Variants in SLC22A16 observed in about 807,000 individuals in gnomAD.
SLC22A16 encodes the protein WUGSC:RG331P03.1.
Under a neutral mutation model 52.9 loss-of-function variants are expected in SLC22A16, and 53 were observed. The ratio of observed to expected loss-of-function variants is 1.00; its 90% confidence interval spans 0.80 to 1.26. The LOEUF is 1.26. Among genes scored for constraint, SLC22A16 ranks in the 50% most tolerant of loss-of-function variants. SLC22A16 has a pLI of 0.00. For missense variants in SLC22A16, 726 were observed against 704.0 expected, an observed-to-expected ratio of 1.03 and a Z score of -0.35; for synonymous variants, 291 against 268.8, an observed-to-expected ratio of 1.08 and a Z score of -0.81.
chr6:110,438,797 C>T lies in SLC22A16; in HGVS notation c.1234G>A (p.Val412Ile), dbSNP rs1279078408. Residue 412 changes from valine (V) to isoleucine (I), a missense_variant, in exon 5 of 8, where the codon GTC (valine) becomes ATC (isoleucine). By Grantham distance (29) the Val-to-Ile change is conservative (BLOSUM62 3). Coordinates refer to ENST00000368919, the MANE Select transcript of SLC22A16 (RefSeq NM_033125.4). ...TAGGCCAGGACTGTTCTCCTCCCGA[C>T]CTTGTCCATGGCGATGCACACGAAG... ...YTFVCIAMDK[V>I]GRRTVLAYSL... 14 of 1,614,040 alleles carry T rather than the reference C, an allele frequency of 8.7e-6. No homozygotes were observed. Among genetic ancestry groups the T allele is most frequent in the African/African-American group, 1.3e-5 (1 of 74,922 alleles).
intron 1 of SLC22A16, among the ~76,000 whole-genome samples, chr6:110,460,376 G>T (rs1775823285): frequency 2.6e-5 from 4 of 152,156 alleles, no homozygotes; most frequent in Admixed American, 2.6e-4. Flanking sequence ...GCCAAGGTCT[G>T]CCAGGGAGCC....
intron 6 of SLC22A16, 85 bp downstream of exon 6, chr6:110,435,767 C>T (rs769966312): frequency 6.4e-6 from 6 of 943,152 alleles, no homozygotes; most frequent in South Asian, 1.8e-5. Context: ...AAAAAAGAAG[C>T]ATTTACATGT....
chr6:110,438,948 C>T (rs978285384), intron 4 of SLC22A16, 101 bp from the exon 5 acceptor site: 4 of 1,452,762 alleles, frequency 2.8e-6, no homozygotes, highest in Non-Finnish European at 3.7e-6. Flanking sequence ...GCAGCCCTCT[C>T]CTCACTTCTG....
chr6:110,436,728 A>C (rs538333486), intron 5 of SLC22A16, among the ~76,000 whole-genome samples: 7 of 152,344 alleles, frequency 4.6e-5, no homozygotes, highest in Admixed American at 3.3e-4. Context: ...AATATTTGAA[A>C]GTGGTAACTA....
At chr6:110,427,229 C>G (rs1774293279) in intron 7 of SLC22A16, among the ~76,000 whole-genome samples, 1 of 119,580 alleles carries the variant, frequency 8.4e-6, no homozygotes, top group African/African-American at 3.4e-5. Flanking sequence ...ACCTCAGTGA[C>G]AGAGTGAGAC....
At chr6:110,459,914 G>C (rs191566629) in intron 1 of SLC22A16, among the ~76,000 whole-genome samples, 1 of 152,122 alleles carries the variant, frequency 6.6e-6, no homozygotes. Flanking sequence ...AGGACAACAG[G>C]ATAGAACAGA....
intron 2 of SLC22A16, among the ~76,000 whole-genome samples, chr6:110,454,372 AT>A: frequency 6.6e-6 from 1 of 150,960 alleles, no homozygotes; most frequent in Non-Finnish European, 1.5e-5. Flanking sequence ...TGTCAAACCA[AT>A]TTTTTAGCTT....
At position 110,435,937 on chromosome 6, in the gene SLC22A16, T is replaced by C. The variant is rs1774709823; in HGVS notation, c.1336A>G (p.Thr446Ala). The change falls in exon 6 of 8, where the codon ACA (threonine) becomes GCA (alanine). Residue 446 changes from threonine to alanine, a missense_variant. Transcript: ENST00000368919. ...PQKHYILGVV[T>A]AMVGKFAIGA... Reference sequence around the variant, plus strand: ...ATGGCAAATTTTCCAACCATAGCTGTCACCACACCCAAAATATAATGTTTC... The same window carrying C: ...ATGGCAAATTTTCCAACCATAGCTGCCACCACACCCAAAATATAATGTTTC... 3 of 1,613,862 alleles carry C rather than the reference T, an allele frequency of 1.9e-6. No individual in the cohort carries two copies. In the East Asian group the frequency reaches 6.7e-5, roughly 36 times the overall value.
chr6:110,445,077 T>G (rs774101904), intron 3 of SLC22A16, among the ~76,000 whole-genome samples: 5 of 152,118 alleles, frequency 3.3e-5, no homozygotes, highest in Admixed American at 6.6e-5. Flanking sequence ...CTTCTCGGAA[T>G]CCACCCCCTC....
In SLC22A16 at chr6:110,476,500, CCGCGGGG is replaced by C. The variant is rs764643574; in HGVS notation, c.53+15_53+21del. On this transcript the variant is annotated intron_variant, in intron 1 of 7. Transcript: ENST00000368919. ...CCTCGGCGCCGCCTCCCGCGTGGCGCCGCGGGGCCCCTCCCCCATACCTGCCGAAGTG... is the reference window on the plus strand; with the variant it reads ...CCTCGGCGCCGCCTCCCGCGTGGCGCCCCCTCCCCCATACCTGCCGAAGTG... 6.1e-5 allele frequency: 88 copies of C among 1,432,636 alleles called. No individual in the cohort carries two copies. The highest frequency in any genetic ancestry group is 6.8e-5 in the Non-Finnish European group (74 of 1,090,074). The allele number at this position is 1,432,636 out of a possible 1,614,324, so 88.7% of individuals were successfully genotyped here.
At chr6:110,471,330 T>C (rs1776254377) in intron 1 of SLC22A16, among the ~76,000 whole-genome samples, 1 of 152,208 alleles carries the variant, frequency 6.6e-6, no homozygotes. Context: ...TCTAGGCTTG[T>C]GTAAATAAAA....
chr6:110,441,492 G>A (rs977165054), intron 4 of SLC22A16, among the ~76,000 whole-genome samples: 1 of 152,176 alleles, frequency 6.6e-6, no homozygotes, highest in Non-Finnish European at 1.5e-5. Context: ...TACCAAGGGG[G>A]GCCATGGTCC....
intron 1 of SLC22A16, chr6:110,475,805 A>G (rs911632051): frequency 2.4e-6 from 1 of 413,584 alleles, no homozygotes; most frequent in African/African-American, 2.1e-5. Context: ...CGAATGAATA[A>G]TTTAAATTTT....
intron 1 of SLC22A16, among the ~76,000 whole-genome samples, chr6:110,469,957 T>A (rs1465457677): frequency 1.3e-5 from 2 of 152,196 alleles, no homozygotes; most frequent in Non-Finnish European, 2.9e-5. Context: ...AAAACTGAAA[T>A]GTCCATTGAC....
chr6:110,471,190 T>C (rs1315883425), intron 1 of SLC22A16, among the ~76,000 whole-genome samples: 3 of 152,216 alleles, frequency 2.0e-5, no homozygotes, highest in Non-Finnish European at 1.5e-5. Context: ...TTTCCATGTT[T>C]AGGTACACAA....
chr6:110,430,695 G>T (rs536408617), intron 7 of SLC22A16, among the ~76,000 whole-genome samples: 6 of 152,330 alleles, frequency 3.9e-5, no homozygotes, highest in African/African-American at 1.4e-4. Flanking sequence ...CACTGCTGGA[G>T]CCCCTCAGGT....
rs773531884 is a variant in SLC22A16 at position 110,453,653 on chromosome 6, G to A, written c.533+2885C>T. 1.2e-4 allele frequency: 55 copies of A among 456,032 alleles called. 1 individual carries two copies. Among genetic ancestry groups the A allele is most frequent in the South Asian group, 8.5e-4 (55 of 64,564 alleles). 28.2% of individuals were successfully genotyped at this position (456,032 alleles called of 1,614,324 possible). A position where few individuals can be genotyped will look rare whatever the true frequency, so the allele number is the denominator to read the frequency against. On this transcript the variant is annotated intron_variant, in intron 2 of 7. Coordinates refer to ENST00000368919, the MANE Select transcript of SLC22A16 (RefSeq NM_033125.4). ...ATTAGAGAGGAGGAGCACTGGATGT[G>A]GGGAATCCACTGGTTTTGTACCAAG...
intron 4 of SLC22A16, chr6:110,440,391 TGAA>T (rs1358644320): frequency 1.3e-5 from 2 of 152,384 alleles, no homozygotes; most frequent in African/African-American, 2.4e-5. Flanking sequence ...GGGATGGGTG[TGAA>T]GAAGGTGAGC....
intron 3 of SLC22A16, among the ~76,000 whole-genome samples, chr6:110,446,640 A>G (rs1045406123): frequency 6.6e-5 from 10 of 151,666 alleles, no homozygotes; most frequent in African/African-American, 2.4e-4. Context: ...TGTGGACCAC[A>G]TGCCCGACAC....
Sources: gnomAD v4.1 joint callset for allele counts (sites outside exome capture counted in the v4.1 genomes callset) on GRCh38, gnomAD v4.1.1 for gene constraint, MANE v1.5 for transcripts, NCBI Gene and HGNC (gene_info 2026-07-23, HGNC 2026-07-21) for gene names.